The following LPP variants were observed in gnomAD, a reference collection of about 807,000 sequenced individuals.
LPP encodes LIM domain containing preferred translocation partner in lipoma, also known as lipoma-preferred partner.
LPP carries 38 observed loss-of-function variants against 60.4 expected under a neutral mutation model. The ratio of observed to expected loss-of-function variants is 0.63; its 90% CI spans 0.49 to 0.83. The LOEUF is 0.83. LPP is among the 40% of genes least tolerant of loss of function. The pLI is 0.00. For missense variants in LPP, 902 were observed against 783.6 expected (o/e 1.15, Z -1.80); for synonymous variants, 328 against 290.8 (o/e 1.13, Z -1.30).
chr3:188,482,764 G>T (rs559960625), intron 4 of LPP, among the ~76,000 whole-genome samples: 1 of 152,276 alleles, frequency 6.6e-6, no homozygotes, highest in African/African-American at 2.4e-5. Flanking sequence ...ACAGATTTGT[G>T]CACCCAGAGA....
chr3:188,451,112 A>T (rs1796499484), intron 4 of LPP, among the ~76,000 whole-genome samples: 1 of 152,068 alleles, frequency 6.6e-6, no homozygotes, highest in Non-Finnish European at 1.5e-5. Context: ...CCAGTAAAGC[A>T]TTAGGATTCT....
intron 7 of LPP, among the ~76,000 whole-genome samples, chr3:188,667,150 A>C (rs554427457): frequency 1.3e-5 from 2 of 152,308 alleles, no homozygotes; most frequent in South Asian, 4.1e-4. Flanking sequence ...AAATAGTCTC[A>C]GGCACAAGGT....
At chr3:188,408,926 C>A (rs1784292241) in intron 4 of LPP, among the ~76,000 whole-genome samples, 1 of 152,220 alleles carries the variant, frequency 6.6e-6, no homozygotes, top group South Asian at 2.1e-4. Flanking sequence ...AGTGATACAT[C>A]CCTGCATCCC....
chr3:188,493,268 G>A (rs2149775761), intron 5 of LPP, among the ~76,000 whole-genome samples: 1 of 152,252 alleles, frequency 6.6e-6, no homozygotes, highest in Non-Finnish European at 1.5e-5. Flanking sequence ...GTATCATTTA[G>A]TATTCAGTGC....
chr3:188,474,117 C>T lies in LPP; in HGVS notation c.194-10475C>T, dbSNP rs150837988. On this transcript the variant is annotated intron_variant, in intron 4 of 11. Transcript: ENST00000617246. ...TGACCATGGGAAAAGTTCATGTGTTCATTGTCTCAAGAGTTCTATTCAATT... is the reference window on the plus strand; with the variant it reads ...TGACCATGGGAAAAGTTCATGTGTTTATTGTCTCAAGAGTTCTATTCAATT... Among the ~76,000 whole-genome samples the T allele has an allele frequency of 6.1e-3, 929 of 152,306 alleles. 11 individuals are homozygous for T. The highest frequency in any genetic ancestry group is 0.022 in the African/African-American group (895 of 41,574).
Position 188,729,637 on chromosome 3 carries a change from G to A in LPP, c.1240+21244G>A, listed in dbSNP as rs142959647. The stretch of plus-strand genomic sequence containing the variant: ...GCAAATCAAGCCAGCTATATTTTTG[G>A]TGTGTTTTGTGTGTGTTTAGATTTT... On this transcript the variant is annotated intron_variant, in intron 8 of 11. Coordinates refer to ENST00000617246, the MANE Select transcript of LPP (RefSeq NM_001375462.1). Among the ~76,000 whole-genome samples the A allele has an allele frequency of 6.6e-4, 100 of 152,184 alleles. 1 individual carries two copies. The highest frequency in any genetic ancestry group is 2.2e-3 in the African/African-American group (93 of 41,532).
intron 7 of LPP, among the ~76,000 whole-genome samples, chr3:188,687,985 T>C (rs1410242312): frequency 1.3e-5 from 2 of 152,044 alleles, no homozygotes; most frequent in Non-Finnish European, 2.9e-5. Context: ...CCACGTTATC[T>C]TATTCTTAAC....
chr3:188,355,755 G>T (rs1183155927), intron 3 of LPP, among the ~76,000 whole-genome samples: 2 of 152,184 alleles, frequency 1.3e-5, no homozygotes, highest in African/African-American at 4.8e-5. Context: ...CCACGTTGTA[G>T]AAAAGTTTGA....
chr3:188,451,955 T>C (rs1227403410), intron 4 of LPP, among the ~76,000 whole-genome samples: 5 of 152,180 alleles, frequency 3.3e-5, no homozygotes, highest in South Asian at 2.1e-4. Flanking sequence ...CACTAGGAGA[T>C]GTTTGAGATG....
intron 6 of LPP, among the ~76,000 whole-genome samples, chr3:188,577,458 G>A (rs1834879969): frequency 6.6e-6 from 1 of 151,556 alleles, no homozygotes; most frequent in South Asian, 2.1e-4. Context: ...TGGGATTTTG[G>A]GAACAGGCTT....
At chr3:188,270,135 AT>A (rs1280424107) in intron 2 of LPP, among the ~76,000 whole-genome samples, 1 of 152,168 alleles carries the variant, frequency 6.6e-6, no homozygotes, top group African/African-American at 2.4e-5. Flanking sequence ...TTGCCTGAGA[AT>A]AGGCAAAAGA....
intron 9 of LPP, among the ~76,000 whole-genome samples, chr3:188,822,257 A>G (rs1754184555): frequency 6.6e-6 from 1 of 152,234 alleles, no homozygotes; most frequent in Admixed American, 6.5e-5. Context: ...TGGAGGGTGT[A>G]GCATGTAAAA....
chr3:188,868,013 C>T (rs530773322), intron 10 of LPP, among the ~76,000 whole-genome samples: 6 of 152,128 alleles, frequency 3.9e-5, no homozygotes, highest in South Asian at 2.1e-4. Context: ...ATCCCAGAGG[C>T]GGAAATTTGC....
chr3:188,289,973 G>C (rs1351951643), intron 2 of LPP, among the ~76,000 whole-genome samples: 1 of 151,862 alleles, frequency 6.6e-6, no homozygotes, highest in Non-Finnish European at 1.5e-5. Flanking sequence ...ACCCTATCTT[G>C]GAAGTGCTCA....
intron 2 of LPP, among the ~76,000 whole-genome samples, chr3:188,269,645 A>ATACGTGTGTGTG (rs748506984): frequency 7.3e-6 from 1 of 136,454 alleles, no homozygotes; most frequent in African/African-American, 2.8e-5. Flanking sequence ...CTTTTTTTTT[A>ATACGTGTGTGTG]TGTGTGTGTG....
chr3:188,648,007 A>C (rs1445460654), intron 7 of LPP, among the ~76,000 whole-genome samples: 1 of 151,964 alleles, frequency 6.6e-6, no homozygotes, highest in African/African-American at 2.4e-5. Context: ...GACCTTTTTC[A>C]CTCTGCTTGT....
chr3:188,620,074 A>C (rs935822177), intron 7 of LPP, among the ~76,000 whole-genome samples: 1 of 152,022 alleles, frequency 6.6e-6, no homozygotes, highest in Non-Finnish European at 1.5e-5. Flanking sequence ...TCATTTACTA[A>C]AATATGCACT....
At chr3:188,346,674 G>A (rs1255873778) in intron 3 of LPP, among the ~76,000 whole-genome samples, 3 of 152,154 alleles carry the variant, frequency 2.0e-5, no homozygotes, top group Non-Finnish European at 4.4e-5. Flanking sequence ...AAACTCAGAT[G>A]AATTTATGAA....
At chr3:188,705,615 A>T (rs1013886227) in intron 7 of LPP, among the ~76,000 whole-genome samples, 2 of 151,610 alleles carry the variant, frequency 1.3e-5, no homozygotes, top group African/African-American at 4.8e-5. Flanking sequence ...AATTTTTTTT[A>T]ATTTTTTCTT....
Sources: allele counts gnomAD v4.1 joint callset (sites outside exome capture counted in the v4.1 genomes callset), GRCh38; gene constraint gnomAD v4.1.1; transcripts MANE v1.5; gene names NCBI Gene and HGNC (gene_info 2026-07-23, HGNC 2026-07-21).